The following COL9A3 variants were observed in gnomAD, a reference collection of about 807,000 sequenced individuals.
COL9A3 encodes collagen type IX alpha 3 chain.
A neutral mutation model predicts 110.2 loss-of-function variants in COL9A3; 82 were observed. The ratio of observed to expected loss-of-function variants is 0.74; its 90% CI spans 0.62 to 0.89. The LOEUF is 0.89. COL9A3 is among the 40% of genes least tolerant of loss of function. The probability of loss-of-function intolerance (pLI) is 0.00; values close to 1 mark genes in which losing one functional copy is unlikely to be tolerated. For missense variants in COL9A3, 1,066 were observed against 981.3 expected, an observed-to-expected ratio of 1.09 and a Z score of -1.15; for synonymous variants, 494 against 403.8, an observed-to-expected ratio of 1.22 and a Z score of -2.68.
intron 15 of COL9A3, 50 bp downstream of exon 15, chr20:62,826,870 C>A (rs762640456): frequency 1.9e-6 from 3 of 1,594,412 alleles, no homozygotes; most frequent in Non-Finnish European, 2.6e-6. Context: ...CCTCTCTCCC[C>A]TTTCCCTCTG....
Position 62,833,035 on chromosome 20 carries a change from G to A in COL9A3, c.1339G>A (p.Asp447Asn), listed in dbSNP as rs200153638. Residue 447 changes from aspartate to asparagine, a missense_variant, in exon 26 of 32, where the codon GAC becomes AAC. Coordinates refer to ENST00000649368, the MANE Select transcript of COL9A3 (RefSeq NM_001853.4). ...PKGDQGIAGS[D>N]GLPGDKGELG... The stretch of plus-strand genomic sequence containing the variant: ...TCGTTTTCAGGGTATTGCAGGTTCC[G>A]ACGGTCTTCCTGGGGATAAAGGAGA... The A allele has an allele frequency of 3.3e-4, 527 of 1,613,860 alleles. 2 individuals are homozygous for A. Among genetic ancestry groups the A allele is most frequent in the Non-Finnish European group, 4.3e-4 (510 of 1,179,828 alleles).
intron 5 of COL9A3, among the ~76,000 whole-genome samples, chr20:62,820,902 C>T (rs936686262): frequency 9.9e-5 from 15 of 152,154 alleles, no homozygotes; most frequent in African/African-American, 2.9e-4. Context: ...CTGGTGGAGA[C>T]AGGCACCCCG....
chr20:62,834,600 T>C (rs1433905494), intron 26 of COL9A3, among the ~76,000 whole-genome samples: 1 of 152,174 alleles, frequency 6.6e-6, no homozygotes, highest in African/African-American at 2.4e-5. Context: ...TTTTTATGCC[T>C]GGGGACAAAA....
chr20:62,828,871 G>A, intron 18 of COL9A3, 52 bp from the exon 19 acceptor site: 1 of 1,612,278 alleles, frequency 6.2e-7, no homozygotes, highest in Non-Finnish European at 8.5e-7. Flanking sequence ...GGGGAGTTCG[G>A]CCTCCCGAGG....
chr20:62,821,345 GCTGGTGCCTGGATGGGGTC>G, intron 6 of COL9A3, 129 bp downstream of exon 6: 1 of 1,331,508 alleles, frequency 7.5e-7, no homozygotes, highest in African/African-American at 1.5e-5. Flanking sequence ...CTCTCCGGAG[GCTGGTGCCTGGATGGGGTC>G]CTGGTGCCCT....
chr20:62,836,780 G>A (rs2063640244), intron 29 of COL9A3: 1 of 624,416 alleles, frequency 1.6e-6, no homozygotes, highest in Non-Finnish European at 2.8e-6. Flanking sequence ...ACGCCCTAAA[G>A]CCTGCTGAAT....
At position 62,837,254 on chromosome 20, in the gene COL9A3, C is replaced by G. The variant is rs1432126169; in HGVS notation, c.1775C>G (p.Pro592Arg). 3 of 1,610,330 alleles carry G rather than the reference C, an allele frequency of 1.9e-6. No homozygotes were observed. In the East Asian group the frequency reaches 6.7e-5, roughly 36 times the overall value. Reference sequence around the variant, plus strand: ...GGTCCCACTGGGGAGCTGGGAGACCCCGGGCCCAGAGGTGAGTGTTTGACC... The same window carrying G: ...GGTCCCACTGGGGAGCTGGGAGACCGCGGGCCCAGAGGTGAGTGTTTGACC... ...YRGPTGELGD[P>R]GPRGNQGDRG... The change falls in exon 30 of 32, where the codon CCC (proline) becomes CGC (arginine). Residue 592 changes from proline (P) to arginine (R), a missense_variant. Physicochemically the swap from Pro to Arg is moderately radical, Grantham distance 103 (BLOSUM62 -2). Transcript: ENST00000649368.
At chr20:62,821,688 C>G (rs1161626138) in intron 7 of COL9A3, 69 bp from the exon 8 acceptor site, 2 of 1,554,478 alleles carry the variant, frequency 1.3e-6, no homozygotes, top group Non-Finnish European at 1.8e-6. Flanking sequence ...AGGCGGCACA[C>G]CAACCCTGGG....
intron 12 of COL9A3, 99 bp from the exon 13 acceptor site, chr20:62,825,718 A>G: frequency 1.6e-6 from 2 of 1,239,652 alleles, no homozygotes; most frequent in East Asian, 2.5e-5. Flanking sequence ...AGGGGGCAAC[A>G]CCCCCAGCTG....
At position 62,828,992 on chromosome 20, in the gene COL9A3, G is replaced by A. The variant is rs201875281; in HGVS notation, c.1008+16G>A. 4.9e-5 allele frequency: 78 copies of A among 1,590,762 alleles called. No homozygotes were observed. Among genetic ancestry groups the A allele is most frequent in the Non-Finnish European group, 5.5e-5 (65 of 1,171,814 alleles). On this transcript the variant is annotated intron_variant, in intron 19 of 31. Coordinates refer to ENST00000649368, the MANE Select transcript of COL9A3 (RefSeq NM_001853.4). ...CGGGCTGCCGGTGAGTGCCCGGCGG[G>A]TGGGGCCAGCCTGGGGCGCCACAGC...
At chr20:62,820,170 C>G (rs1991073209) in intron 5 of COL9A3, among the ~76,000 whole-genome samples, 188 bp downstream of exon 5, 1 of 152,186 alleles carries the variant, frequency 6.6e-6, no homozygotes, top group Non-Finnish European at 1.5e-5. Context: ...GCCTCCCTGC[C>G]TCACCTCCAC....
rs772177147 is a variant in COL9A3, at chr20:62,817,103, G to C, written c.39G>C (p.Leu13=). Reference sequence around the variant, plus strand: ...GCGCGTGCGCCCCGCTCCTGCTCCTGCTCCTGCTCGGGGAGCTTCTGGCGG... The same window carrying C: ...GCGCGTGCGCCCCGCTCCTGCTCCTCCTCCTGCTCGGGGAGCTTCTGGCGG... The part of the protein sequence containing the change: ...GPRACAPLLL[L]LLLGELLAAA... The change falls in exon 1 of 32, where the codon CTG becomes CTC. Residue 13 remains leucine (L), a synonymous_variant. Coordinates refer to ENST00000649368, the MANE Select transcript of COL9A3 (RefSeq NM_001853.4). The C allele has an allele frequency of 1.1e-5, 15 of 1,405,730 alleles. No individual in the cohort carries two copies. The highest frequency in any genetic ancestry group is 2.6e-4 in the Middle Eastern group (1 of 3,840). 87.1% of individuals were successfully genotyped at this position (1,405,730 alleles called of 1,614,324 possible). A position where few individuals can be genotyped will look rare whatever the true frequency, so the allele number is the denominator to read the frequency against.
chr20:62,817,526 CG>C, intron 1 of COL9A3, 40 bp from the exon 2 acceptor site: 1 of 1,426,046 alleles, frequency 7.0e-7, no homozygotes, highest in Non-Finnish European at 9.7e-7. Flanking sequence ...GTCAGGCCCA[CG>C]GGGGCACCTG....
chr20:62,830,072 A>T (rs546460270), intron 22 of COL9A3, among the ~76,000 whole-genome samples: 1 of 152,226 alleles, frequency 6.6e-6, no homozygotes, highest in East Asian at 1.9e-4. Context: ...ATAGACTGAG[A>T]TAATGACAGC....
intron 31 of COL9A3, among the ~76,000 whole-genome samples, chr20:62,839,409 C>T (rs900260555): frequency 1.3e-5 from 2 of 152,168 alleles, no homozygotes; most frequent in African/African-American, 4.8e-5. Flanking sequence ...AAAATAAATG[C>T]TTTGTCACGG....
intron 12 of COL9A3, chr20:62,825,412 C>G (rs1392279610): frequency 5.7e-6 from 2 of 349,952 alleles, no homozygotes; most frequent in East Asian, 1.5e-4. Flanking sequence ...TGTAGCCTCC[C>G]CTCACCTGTG....
chr20:62,817,499 G>A, intron 1 of COL9A3, 68 bp from the exon 2 acceptor site: 1 of 1,164,560 alleles, frequency 8.6e-7, no homozygotes, highest in African/African-American at 1.5e-5. Flanking sequence ...TCGGGACCCG[G>A]GAGGAGGGGA....
chr20:62,836,485 A>C lies in COL9A3; in HGVS notation c.1556A>C (p.Glu519Ala). The change falls in exon 29 of 32, where the codon GAG (glutamate) becomes GCG (alanine). Residue 519 changes from glutamate to alanine, a missense_variant. By Grantham distance (107) the Glu-to-Ala change is moderately radical (BLOSUM62 -1). Coordinates refer to ENST00000649368, the MANE Select transcript of COL9A3 (RefSeq NM_001853.4). ...GTGTGGGGTGAATTCCAGGGGAAGG[A>C]GGCCAGCGAGCAGCGCATCAGGGAG... ...ITGKPGVPGK[E>A]ASEQRIRELC... The C allele has an allele frequency of 1.2e-6, 2 of 1,613,616 alleles. No homozygotes were observed. Among genetic ancestry groups the C allele is most frequent in the South Asian group, 1.1e-5 (1 of 90,998 alleles).
At chr20:62,827,135 A>G (rs1436708652) in intron 15 of COL9A3, 106 bp from the exon 16 acceptor site, 2 of 1,122,962 alleles carry the variant, frequency 1.8e-6, no homozygotes, top group African/African-American at 1.5e-5. Flanking sequence ...CTCTCTGACC[A>G]CTCCTGGAGG....
Sources: gnomAD v4.1 joint callset for allele counts (sites outside exome capture counted in the v4.1 genomes callset) on GRCh38, gnomAD v4.1.1 for gene constraint, MANE v1.5 for transcripts, NCBI Gene and HGNC (gene_info 2026-07-23, HGNC 2026-07-21) for gene names.